The following DAB1 variants were observed in gnomAD, a reference collection of about 807,000 sequenced individuals.
DAB1 encodes the protein disabled homolog 1.
DAB1 carries 15 observed loss-of-function variants against 64.6 expected under a neutral mutation model. That is an observed-to-expected ratio of 0.23 (90% confidence interval 0.16 to 0.36). The LOEUF is 0.36. Among genes scored for constraint, DAB1 ranks in the 10% least tolerant of loss-of-function variants. The pLI is 1.00. For missense variants in DAB1, 596 were observed against 706.7 expected, an observed-to-expected ratio of 0.84 and a Z score of 1.78; for synonymous variants, 235 against 251.9, an observed-to-expected ratio of 0.93 and a Z score of 0.64.
At chr1:58,002,494 T>C (rs1305484102) in intron 5 of DAB1, among the ~76,000 whole-genome samples, 3 of 152,232 alleles carry the variant, frequency 2.0e-5, no homozygotes, top group African/African-American at 7.2e-5. Flanking sequence ...TTTTCTTTTC[T>C]GGACTACTAG....
intron 1 of DAB1, among the ~76,000 whole-genome samples, chr1:57,403,994 A>G (rs910320439): frequency 6.6e-6 from 1 of 152,184 alleles, no homozygotes; most frequent in African/African-American, 2.4e-5. Context: ...TGCCCATTCT[A>G]GATGGAGGGT....
chr1:57,939,177 C>T (rs1645067899), intron 5 of DAB1, among the ~76,000 whole-genome samples: 1 of 152,088 alleles, frequency 6.6e-6, no homozygotes, highest in Non-Finnish European at 1.5e-5. Flanking sequence ...CTCATATTCT[C>T]ACATGGCAGA....
chr1:58,480,775 C>G, intron 3 of DAB1: 1 of 447,266 alleles, frequency 2.2e-6, no homozygotes, highest in Non-Finnish European at 3.9e-6. Flanking sequence ...GATATTTTAA[C>G]ATAGATTAAA....
At chr1:58,533,965 T>TA in intron 1 of DAB1, 1 of 872,516 alleles carries the variant, frequency 1.1e-6, no homozygotes, top group Non-Finnish European at 2.0e-6. Flanking sequence ...CATGCCCAAG[T>TA]ACTGCATGTG....
At chr1:57,680,638 C>T (rs912187622) in intron 6 of DAB1, among the ~76,000 whole-genome samples, 21 of 152,188 alleles carry the variant, frequency 1.4e-4, no homozygotes, top group Admixed American at 5.9e-4. Flanking sequence ...CCCTCTTCCA[C>T]TTTTAAGGAC....
At chr1:57,015,486 GAT>G in intron 11 of DAB1, 55 bp from the exon 12 acceptor site, 1 of 1,485,026 alleles carries the variant, frequency 6.7e-7, no homozygotes, top group Non-Finnish European at 9.1e-7. Flanking sequence ...GGGAAAGAAG[GAT>G]GCATGGACTC....
chr1:57,770,976 CT>C (rs985072318), intron 6 of DAB1, among the ~76,000 whole-genome samples: 3 of 152,112 alleles, frequency 2.0e-5, no homozygotes, highest in African/African-American at 7.2e-5. Flanking sequence ...TTTAATCCCC[CT>C]AGCCTATGAA....
chr1:57,741,392 T>C (rs1364859584), intron 6 of DAB1, among the ~76,000 whole-genome samples: 2 of 152,216 alleles, frequency 1.3e-5, no homozygotes, highest in African/African-American at 4.8e-5. Flanking sequence ...TCCCATTTGA[T>C]AGACCAACAA....
chr1:58,425,266 G>T (rs2100229357), intron 3 of DAB1, among the ~76,000 whole-genome samples: 1 of 152,262 alleles, frequency 6.6e-6, no homozygotes, highest in Non-Finnish European at 1.5e-5. Flanking sequence ...TTTCTGGACT[G>T]CCAGAAAGTC....
chr1:57,951,259 AG>A (rs1294392972), intron 5 of DAB1, among the ~76,000 whole-genome samples: 4 of 145,578 alleles, frequency 2.7e-5, no homozygotes, highest in Non-Finnish European at 6.1e-5. Context: ...TTGGGGGGTG[AG>A]GGGGGTAGTC....
chr1:58,049,822 G>GCA (rs10701436), intron 5 of DAB1, among the ~76,000 whole-genome samples: 36,678 of 150,514 alleles, frequency 0.24, 4,541 homozygotes, highest in African/African-American at 0.29. Context: ...ACACGCATAT[G>GCA]CACACACACA....
rs149903724 is a variant in DAB1 at position 58,141,936 on chromosome 1, C to T, written n.387+8575G>A. Among the ~76,000 whole-genome samples the T allele has an allele frequency of 4.6e-5, 7 of 152,316 alleles. No homozygotes were observed. In the East Asian group the frequency reaches 5.8e-4, roughly 13 times the overall value. ...TGACCAACTTTCTTGCTTGATTCCACACAACTCCAGTTAGACACAACTTTA... is the reference window on the plus strand; with the variant it reads ...TGACCAACTTTCTTGCTTGATTCCATACAACTCCAGTTAGACACAACTTTA... On this transcript the variant is annotated intron_variant and non_coding_transcript_variant, in intron 5 of 20. Transcript: ENST00000485760.
At chr1:57,583,415 T>C (rs930261616) in intron 7 of DAB1, among the ~76,000 whole-genome samples, 11 of 151,700 alleles carry the variant, frequency 7.3e-5, no homozygotes, top group African/African-American at 2.7e-4. Flanking sequence ...GCCTCCCAAG[T>C]AGCTGGGACT....
intron 5 of DAB1, among the ~76,000 whole-genome samples, chr1:57,914,288 A>T (rs754433303): frequency 2.0e-5 from 3 of 152,144 alleles, no homozygotes; most frequent in East Asian, 1.9e-4. Context: ...GTTCATGTCC[A>T]TTGTAGGGAC....
chr1:58,194,532 G>A (rs552131), intron 4 of DAB1, among the ~76,000 whole-genome samples: 152,073 of 152,354 alleles, frequency 1, 75,897 homozygotes, highest in East Asian at 1. Flanking sequence ...AAAGATTAAT[G>A]TTTGTAGTGC....
chr1:57,816,049 T>C (rs1350971851), intron 6 of DAB1, among the ~76,000 whole-genome samples: 3 of 152,204 alleles, frequency 2.0e-5, no homozygotes, highest in Admixed American at 6.5e-5. Flanking sequence ...GCCGTTTCTC[T>C]GCTGTGTGCC....
chr1:58,453,939 T>C (rs1404467351), intron 3 of DAB1, among the ~76,000 whole-genome samples: 1 of 152,028 alleles, frequency 6.6e-6, no homozygotes, highest in East Asian at 1.9e-4. Context: ...GCCCTGGCTC[T>C]CCCTCACACC....
At chr1:58,305,481 A>C (rs1662284227) in intron 4 of DAB1, among the ~76,000 whole-genome samples, 1 of 152,184 alleles carries the variant, frequency 6.6e-6, no homozygotes, top group South Asian at 2.1e-4. Flanking sequence ...CTACACTATT[A>C]CATACTCTTC....
At chr1:58,545,825 T>C (rs977911131) in intron 1 of DAB1, among the ~76,000 whole-genome samples, 4 of 152,186 alleles carry the variant, frequency 2.6e-5, no homozygotes, top group African/African-American at 9.7e-5. Context: ...TACTTTAAAA[T>C]AATCATTCAA....
Sources: gnomAD v4.1 joint callset for allele counts (sites outside exome capture counted in the v4.1 genomes callset) on GRCh38, gnomAD v4.1.1 for gene constraint, MANE v1.5 for transcripts, NCBI Gene and HGNC (gene_info 2026-07-23, HGNC 2026-07-21) for gene names.